The following NIT2 variants were observed in gnomAD, a reference collection of about 807,000 sequenced individuals.
NIT2 encodes nitrilase family member 2, also known as omega-amidase NIT2.
A neutral mutation model predicts 42.7 loss-of-function variants in NIT2; 46 were observed. That is an observed-to-expected ratio of 1.08 (90% CI 0.85 to 1.38). The LOEUF (loss-of-function observed/expected upper bound fraction) is 1.38, where lower values mean the gene tolerates loss of function less well. Among genes scored for constraint, NIT2 ranks in the 40% most tolerant of loss-of-function variants. NIT2 has a pLI of 0.00. For synonymous variants in NIT2, 123 were observed against 121.9 expected, an observed-to-expected ratio of 1.01 and a Z score of -0.06; for missense variants, 309 against 342.5, an observed-to-expected ratio of 0.90 and a Z score of 0.77.
rs1482721555 is a variant in NIT2 at position 100,346,666 on chromosome 3, A to G, written c.505+411A>G. On this transcript the variant is annotated intron_variant, in intron 6 of 9. Transcript: ENST00000394140. Reference sequence around the variant, plus strand: ...CCAGTATCTGGGAAGAGCGAGTTCAAAAGATGTGGGTTCTAGTTCCAACTC... The same window carrying G: ...CCAGTATCTGGGAAGAGCGAGTTCAGAAGATGTGGGTTCTAGTTCCAACTC... Among the ~76,000 whole-genome samples, 13 of 152,194 alleles carry G rather than the reference A, an allele frequency of 8.5e-5. 1 individual carries two copies. The highest frequency in any genetic ancestry group is 2.9e-5 in the Non-Finnish European group (2 of 68,038).
In NIT2 at chr3:100,356,065, C is replaced by A. The variant is rs367852737; in HGVS notation, c.*797C>A. On this transcript the variant is annotated 3_prime_UTR_variant, in exon 10 of 10. Coordinates refer to ENST00000394140, the MANE Select transcript of NIT2 (RefSeq NM_020202.5). ...ACAGCTTGGTTTGAGAATCCTTTTGCGGTTAAAAATTAGGGACTGAGCCAG... is the reference window on the plus strand; with the variant it reads ...ACAGCTTGGTTTGAGAATCCTTTTGAGGTTAAAAATTAGGGACTGAGCCAG... 2 of 152,124 alleles carry A rather than the reference C, an allele frequency of 1.3e-5. No homozygotes were observed. The highest frequency in any genetic ancestry group is 2.9e-5 in the Non-Finnish European group (2 of 68,046). 9.4% of individuals were successfully genotyped at this position (152,124 alleles called of 1,614,324 possible).
rs776775879 is a variant in NIT2, at chr3:100,339,885, C to T, written c.197C>T (p.Thr66Ile). ...EYAEKIPGES[T>I]QKLSEVAKEC... ...GCAGAGAAAATTCCTGGTGAATCCA[C>T]ACAGAAGCTTTCTGAAGTAGCAAAG... is the stretch of plus-strand genomic sequence containing the variant. Residue 66 changes from threonine (T) to isoleucine (I), a missense_variant, in exon 3 of 10, where the codon ACA becomes ATA. Thr to Ile is a moderately conservative substitution (Grantham distance 89). Transcript: ENST00000394140. 1.1e-5 allele frequency: 18 copies of T among 1,613,656 alleles called. No individual in the cohort carries two copies. Among genetic ancestry groups the T allele is most frequent in the Non-Finnish European group, 1.5e-5 (18 of 1,179,674 alleles).
At position 100,355,506 on chromosome 3, in the gene NIT2, A is replaced by T. The variant is rs1054869330; in HGVS notation, c.*238A>T. On this transcript the variant is annotated 3_prime_UTR_variant, in exon 10 of 10. Coordinates refer to ENST00000394140, the MANE Select transcript of NIT2 (RefSeq NM_020202.5). ...CTGGGCTGGTTCTGAAGCTTCTTCCATACTTAAGTTGCCTCCAAGCAGTTT... is the reference window on the plus strand; with the variant it reads ...CTGGGCTGGTTCTGAAGCTTCTTCCTTACTTAAGTTGCCTCCAAGCAGTTT... The T allele has an allele frequency of 7.1e-6, 3 of 420,968 alleles. No homozygotes were observed. The highest frequency in any genetic ancestry group is 1.3e-5 in the Non-Finnish European group (3 of 238,576). 26.1% of individuals were successfully genotyped at this position (420,968 alleles called of 1,614,324 possible).
intron 3 of NIT2, among the ~76,000 whole-genome samples, chr3:100,340,144 C>G (rs546323940): frequency 6.6e-6 from 1 of 152,216 alleles, no homozygotes; most frequent in East Asian, 1.9e-4. Flanking sequence ...GATCATGGCC[C>G]ACTGCAGCCT....
At chr3:100,347,851 A>G (rs1424526642) in intron 6 of NIT2, among the ~76,000 whole-genome samples, 1 of 152,008 alleles carries the variant, frequency 6.6e-6, no homozygotes, top group Non-Finnish European at 1.5e-5. Context: ...TGTACTCAAG[A>G]GAGTCATGCG....
intron 7 of NIT2, 146 bp downstream of exon 7, chr3:100,349,027 A>G: frequency 1.5e-6 from 1 of 646,920 alleles, no homozygotes; most frequent in Non-Finnish European, 2.7e-6. Context: ...GGAAAGGATG[A>G]AGCTATAAGG....
chr3:100,334,929 C>A lies in NIT2; in HGVS notation c.7+131C>A, dbSNP rs572852777. ...CCGCCGTGCGCGGCCTTCCCTGAGG[C>A]GGGCGTCCGCGTGGGTCCGGGATCG... On this transcript the variant is annotated intron_variant, in intron 1 of 9. Coordinates refer to ENST00000394140, the MANE Select transcript of NIT2 (RefSeq NM_020202.5). The A allele has an allele frequency of 8.9e-6, 8 of 902,708 alleles. No homozygotes were observed. The South Asian group carries it at 2.1e-4, about 23-fold the overall frequency. The allele number at this position is 902,708 out of a possible 1,614,324, so 55.9% of individuals were successfully genotyped here. A position where few individuals can be genotyped will look rare whatever the true frequency, so the allele number is the denominator to read the frequency against.
At chr3:100,348,781 C>A in intron 6 of NIT2, 22 bp from the exon 7 acceptor site, 1 of 1,610,078 alleles carries the variant, frequency 6.2e-7, no homozygotes, top group Non-Finnish European at 8.5e-7. Flanking sequence ...ATCCACTGTT[C>A]TTTGGCTTTT....
intron 1 of NIT2, among the ~76,000 whole-genome samples, chr3:100,336,543 A>G (rs1289239581): frequency 6.6e-6 from 1 of 152,206 alleles, no homozygotes; most frequent in African/African-American, 2.4e-5. Context: ...TGGCAGGGTC[A>G]TAGGATAATA....
chr3:100,345,750 C>A, intron 5 of NIT2, 72 bp downstream of exon 5: 1 of 945,842 alleles, frequency 1.1e-6, no homozygotes, highest in Non-Finnish European at 1.7e-6. Context: ...TCTTTTTTGT[C>A]TCTCTCCGAT....
At chr3:100,344,592 C>A (rs1313991331) in intron 4 of NIT2, among the ~76,000 whole-genome samples, 1 of 152,132 alleles carries the variant, frequency 6.6e-6, no homozygotes, top group Non-Finnish European at 1.5e-5. Context: ...TTTTGTTTAA[C>A]ATTTGTGAGA....
chr3:100,347,041 G>A (rs566767277), intron 6 of NIT2, among the ~76,000 whole-genome samples: 2 of 152,202 alleles, frequency 1.3e-5, no homozygotes, highest in East Asian at 1.9e-4. Flanking sequence ...CGTGGTCATT[G>A]GCCATGTGGA....
At chr3:100,343,873 G>T (rs928303925) in intron 4 of NIT2, among the ~76,000 whole-genome samples, 1 of 152,154 alleles carries the variant, frequency 6.6e-6, no homozygotes, top group Non-Finnish European at 1.5e-5. Context: ...TTGTACAGTG[G>T]ATTATATATT....
At chr3:100,334,876 G>C in intron 1 of NIT2, 78 bp downstream of exon 1, 2 of 1,204,402 alleles carry the variant, frequency 1.7e-6, no homozygotes, top group Non-Finnish European at 2.1e-6. Flanking sequence ...CGGTGGCTCG[G>C]CCGGCTCAGC....
At chr3:100,354,878 A>G in intron 9 of NIT2, 51 bp downstream of exon 9, 2 of 1,472,634 alleles carry the variant, frequency 1.4e-6, no homozygotes, top group South Asian at 1.2e-5. Context: ...CATTGTTCTG[A>G]GGCCAGACTC....
intron 7 of NIT2, among the ~76,000 whole-genome samples, chr3:100,351,303 A>G (rs1489838187): frequency 1.3e-5 from 2 of 152,248 alleles, no homozygotes; most frequent in Non-Finnish European, 2.9e-5. Flanking sequence ...CGCCAAGTCA[A>G]TCCTAAGCCA....
rs1706242468 is a variant in NIT2 at position 100,348,747 on chromosome 3, C to G, written c.506-56C>G. On this transcript the variant is annotated intron_variant, in intron 6 of 9. Transcript: ENST00000394140. ...GCTAGATAAGGAACAGTGGGGAGGA[C>G]TGGTTTTGTTGAGTGCTCACTGCAT... 3 of 1,378,050 alleles carry G rather than the reference C, an allele frequency of 2.2e-6. No homozygotes were observed. In the African/African-American group the frequency reaches 4.3e-5, roughly 20 times the overall value. 85.4% of individuals were successfully genotyped at this position (1,378,050 alleles called of 1,614,324 possible).
At chr3:100,348,977 C>A in intron 7 of NIT2, 96 bp downstream of exon 7, 1 of 979,138 alleles carries the variant, frequency 1.0e-6, no homozygotes, top group Non-Finnish European at 1.6e-6. Flanking sequence ...GATGTGGATT[C>A]TGTCCCTGAC....
Position 100,341,115 on chromosome 3 carries a change from G to A in NIT2, c.290G>A (p.Cys97Tyr). 6.2e-7 allele frequency: 1 copy of A among 1,613,716 alleles called. No individual in the cohort carries two copies. The highest frequency in any genetic ancestry group is 8.5e-7 in the Non-Finnish European group (1 of 1,179,654). ...GATGCTGGGAAATTATATAACACCTGTGCTGTGTTTGGGCCTGATGGAACT... is the reference window on the plus strand; with the variant it reads ...GATGCTGGGAAATTATATAACACCTATGCTGTGTTTGGGCCTGATGGAACT... ...EEDAGKLYNT[C>Y]AVFGPDGTLL... Residue 97 changes from cysteine (C) to tyrosine (Y), a missense_variant, in exon 4 of 10, where the codon TGT (cysteine) becomes TAT (tyrosine). Transcript: ENST00000394140.
Sources: allele counts gnomAD v4.1 joint callset (sites outside exome capture counted in the v4.1 genomes callset), GRCh38; gene constraint gnomAD v4.1.1; transcripts MANE v1.5; gene names NCBI Gene and HGNC (gene_info 2026-07-23, HGNC 2026-07-21).